Variants in KLHDC10 observed in about 807,000 individuals in gnomAD.
KLHDC10 encodes kelch domain-containing protein 10.
KLHDC10 carries 24 observed loss-of-function variants against 56.1 expected under a neutral mutation model. That is an observed-to-expected ratio of 0.43 (90% CI 0.31 to 0.60). The LOEUF is 0.60. KLHDC10 is among the 20% of genes least tolerant of loss of function. KLHDC10 has a pLI of 0.11. For synonymous variants in KLHDC10, 188 were observed against 207.1 expected (o/e 0.91, Z 0.79); for missense variants, 349 against 567.0 (o/e 0.62, Z 3.91).
intron 2 of KLHDC10, among the ~76,000 whole-genome samples, chr7:130,109,133 C>G (rs1055717791): frequency 6.6e-6 from 1 of 151,996 alleles, no homozygotes; most frequent in Non-Finnish European, 1.5e-5. Flanking sequence ...TCTCGAACTC[C>G]TAATCTCAAG....
chr7:130,090,703 C>G, intron 1 of KLHDC10, among the ~76,000 whole-genome samples: 1 of 151,878 alleles, frequency 6.6e-6, no homozygotes, highest in Non-Finnish European at 1.5e-5. Context: ...AATAACACAA[C>G]TAGGAAATTG....
chr7:130,091,987 T>C (rs1414871752), intron 1 of KLHDC10, among the ~76,000 whole-genome samples: 1 of 152,230 alleles, frequency 6.6e-6, no homozygotes, highest in Non-Finnish European at 1.5e-5. Context: ...AATGTAAAAC[T>C]ATATCCAAGT....
At chr7:130,123,044 G>GATGA (rs1489498948) in intron 5 of KLHDC10, among the ~76,000 whole-genome samples, 1 of 152,116 alleles carries the variant, frequency 6.6e-6, no homozygotes, top group South Asian at 2.1e-4. Context: ...TGGATGGATG[G>GATGA]ATGGATGGAT....
intron 1 of KLHDC10, among the ~76,000 whole-genome samples, chr7:130,092,335 G>T (rs1482613288): frequency 6.6e-6 from 1 of 152,124 alleles, no homozygotes; most frequent in Admixed American, 6.5e-5. Flanking sequence ...TTTTAATATT[G>T]TTCGATTCTC....
intron 1 of KLHDC10, among the ~76,000 whole-genome samples, chr7:130,094,276 T>G (rs1003868279): frequency 6.6e-6 from 1 of 152,130 alleles, no homozygotes; most frequent in Non-Finnish European, 1.5e-5. Context: ...CAAAGTAGTT[T>G]TTAATATTTT....
intron 2 of KLHDC10, among the ~76,000 whole-genome samples, chr7:130,112,079 A>G (rs1796108852): frequency 6.6e-6 from 1 of 152,222 alleles, no homozygotes. Context: ...TTTTAAATGC[A>G]TATTCCTTTG....
chr7:130,110,985 G>A (rs1204403561), intron 2 of KLHDC10, among the ~76,000 whole-genome samples: 3 of 151,982 alleles, frequency 2.0e-5, no homozygotes, highest in African/African-American at 7.3e-5. Context: ...TTCTTAAAGA[G>A]CAATAAATTT....
intron 2 of KLHDC10, among the ~76,000 whole-genome samples, chr7:130,106,701 C>T (rs567891330): frequency 2.0e-3 from 298 of 152,234 alleles, no homozygotes; most frequent in South Asian, 3.7e-3. Context: ...TTGTGTTGGG[C>T]GCACAGTGGC....
In KLHDC10 at chr7:130,135,108, A is replaced by G. The variant is rs914913248; in HGVS notation, c.*4362A>G. On this transcript the variant is annotated 3_prime_UTR_variant, in exon 10 of 10. Transcript: ENST00000335420. ...TTTAATTTGAAAAAAAAAAAAAAAA[A>G]AAAACAACTTTTTATAAGTTTTTTA... 6.9e-6 allele frequency: 1 copy of G among 144,686 alleles called. No homozygotes were observed. The highest frequency in any genetic ancestry group is 1.9e-4 in the East Asian group (1 of 5,178). The allele number at this position is 144,686 out of a possible 1,614,324, so 9.0% of individuals were successfully genotyped here.
chr7:130,076,951 C>T (rs904290269), intron 1 of KLHDC10, among the ~76,000 whole-genome samples: 1 of 152,134 alleles, frequency 6.6e-6, no homozygotes, highest in Non-Finnish European at 1.5e-5. Context: ...CTCCTCTGTC[C>T]TGTTGGCATT....
chr7:130,084,791 T>TC (rs983310898), intron 1 of KLHDC10, among the ~76,000 whole-genome samples: 241 of 148,838 alleles, frequency 1.6e-3, no homozygotes, highest in African/African-American at 5.6e-3. Context: ...AAAAAAAGAC[T>TC]CCTAAGTTTT....
At chr7:130,125,253 A>G (rs373007567) in intron 6 of KLHDC10, among the ~76,000 whole-genome samples, 94 of 152,280 alleles carry the variant, frequency 6.2e-4, no homozygotes, top group Middle Eastern at 3.4e-3. Context: ...GTGAATTTTA[A>G]AAAGTGGGCT....
intron 1 of KLHDC10, among the ~76,000 whole-genome samples, chr7:130,090,802 T>G (rs1262225520): frequency 1.6e-5 from 2 of 126,460 alleles, no homozygotes. Context: ...GTGTATCATA[T>G]TCTGTACAAT....
At position 130,120,924 on chromosome 7, in the gene KLHDC10, A is replaced by C; in HGVS notation, c.630+21A>C. 6.2e-7 allele frequency: 1 copy of C among 1,611,108 alleles called. No homozygotes were observed. The highest frequency in any genetic ancestry group is 1.1e-5 in the South Asian group (1 of 90,616). ...GACAGGTACCAATCTGTGGCCAGTC[A>C]TGGTGTATTTGTTCATATTTTTCTA... On this transcript the variant is annotated intron_variant, in intron 4 of 9. Transcript: ENST00000335420. This position sits in a 1 kb window ranked among gnomAD's most constrained non-coding sequence, Gnocchi z 5.1.
intron 3 of KLHDC10, among the ~76,000 whole-genome samples, chr7:130,119,905 AAG>A (rs1330177389): frequency 1.3e-5 from 2 of 151,916 alleles, no homozygotes; most frequent in African/African-American, 2.4e-5. Context: ...GAGAGAGAGA[AAG>A]AGCATATGTA....
At chr7:130,082,411 T>C (rs772368886) in intron 1 of KLHDC10, among the ~76,000 whole-genome samples, 15 of 152,258 alleles carry the variant, frequency 9.9e-5, no homozygotes, top group South Asian at 2.1e-4. Context: ...TTTGATATTT[T>C]ACTTTCCTTT....
chr7:130,085,514 C>T (rs1018403995), intron 1 of KLHDC10, among the ~76,000 whole-genome samples: 10 of 151,218 alleles, frequency 6.6e-5, no homozygotes, highest in African/African-American at 1.9e-4. Context: ...GTTACCTTGT[C>T]GAGAGCAAGG....
At chr7:130,128,888 AAATAT>A (rs1370557229) in intron 8 of KLHDC10, among the ~76,000 whole-genome samples, 1 of 98,448 alleles carries the variant, frequency 1.0e-5, no homozygotes, top group Non-Finnish European at 2.0e-5. Flanking sequence ...AAAAAAAAAA[AAATAT>A]ATATATATAT....
chr7:130,114,554 A>C (rs946154834), intron 2 of KLHDC10, among the ~76,000 whole-genome samples: 1 of 152,164 alleles, frequency 6.6e-6, no homozygotes, highest in Non-Finnish European at 1.5e-5. Context: ...CATTTATAGG[A>C]GCTCTTATTT....
Sources: gnomAD v4.1 joint callset for allele counts (sites outside exome capture counted in the v4.1 genomes callset) on GRCh38, gnomAD v4.1.1 for gene constraint, Gnocchi (gnomAD v3.1) non-coding constraint, MANE v1.5 for transcripts, NCBI Gene and HGNC (gene_info 2026-07-23, HGNC 2026-07-21) for gene names.